Variants in DGKB observed in about 807,000 individuals in gnomAD.
DGKB encodes diacylglycerol kinase beta.
A neutral mutation model predicts 114.3 loss-of-function variants in DGKB; 67 were observed. That is an observed-to-expected ratio of 0.59 (90% CI 0.48 to 0.72). The LOEUF (loss-of-function observed/expected upper bound fraction) is 0.72, where lower values mean the gene tolerates loss of function less well. DGKB is among the 30% of genes least tolerant of loss of function. The probability of loss-of-function intolerance (pLI) is 0.00; values close to 1 mark genes in which losing one functional copy is unlikely to be tolerated. For synonymous variants in DGKB, 398 were observed against 323.1 expected (o/e 1.23, Z -2.49); for missense variants, 907 against 975.2 (o/e 0.93, Z 0.93).
At chr7:14,802,129 T>A (rs1212679498) in intron 2 of DGKB, among the ~76,000 whole-genome samples, 2 of 152,142 alleles carry the variant, frequency 1.3e-5, no homozygotes, top group African/African-American at 4.8e-5. Context: ...ATAGTCCTTT[T>A]AAATTAAGAG....
intron 23 of DGKB, among the ~76,000 whole-genome samples, chr7:14,313,114 C>T (rs143839381): frequency 6.6e-6 from 1 of 152,270 alleles, no homozygotes. Flanking sequence ...CTTTAAGAAA[C>T]TACTACTTGT....
chr7:14,325,412 C>T (rs1004240499), intron 23 of DGKB, among the ~76,000 whole-genome samples: 3 of 152,100 alleles, frequency 2.0e-5, no homozygotes, highest in Non-Finnish European at 2.9e-5. Context: ...CGATATTCCA[C>T]GATTCACCAT....
rs1787191036 is a variant in DGKB at position 14,208,460 on chromosome 7, A to T, written c.2123-30309T>A. Among the ~76,000 whole-genome samples, 3 of 152,020 alleles carry T rather than the reference A, an allele frequency of 2.0e-5. No individual in the cohort carries two copies. The South Asian group carries it at 6.2e-4, about 32-fold the overall frequency. On this transcript the variant is annotated intron_variant, in intron 23 of 25. Coordinates refer to ENST00000402815, the MANE Select transcript of DGKB (RefSeq NM_001350709.2). ...AGGCAGGAAGGATTAATGGGGGTTC[A>T]ACTTCTACTTCAAACAGTTTCCCTC...
intron 13 of DGKB, among the ~76,000 whole-genome samples, chr7:14,631,263 C>CAAA (rs35088925): frequency 1.3e-4 from 13 of 98,426 alleles, no homozygotes; most frequent in South Asian, 3.5e-4. Context: ...CAGCAAGAAC[C>CAAA]AAAAAAAAAA....
At chr7:14,304,083 ACACACT>A (rs1156343883) in intron 23 of DGKB, among the ~76,000 whole-genome samples, 2,290 of 39,140 alleles carry the variant, frequency 0.059, 67 homozygotes, top group African/African-American at 0.16. Context: ...ACACACACAC[ACACACT>A]CTCTCTCTCT....
intron 1 of DGKB, among the ~76,000 whole-genome samples, chr7:14,934,903 C>A (rs919438914): frequency 4.6e-5 from 7 of 151,992 alleles, no homozygotes; most frequent in East Asian, 3.9e-4. Flanking sequence ...GAAAGTAAAC[C>A]CACATAACTG....
chr7:14,631,894 C>T (rs1259483489), intron 13 of DGKB, among the ~76,000 whole-genome samples: 1 of 151,920 alleles, frequency 6.6e-6, no homozygotes, highest in East Asian at 1.9e-4. Flanking sequence ...CCTATGGATC[C>T]TTATCCCATT....
intron 17 of DGKB, among the ~76,000 whole-genome samples, chr7:14,605,873 C>T (rs77851645): frequency 0.065 from 9,878 of 152,128 alleles, 1,090 homozygotes; most frequent in African/African-American, 0.22. Flanking sequence ...GCTTCATAGG[C>T]ATTATCCCAT....
chr7:14,685,182 T>G (rs1821468792), intron 10 of DGKB, 63 bp downstream of exon 10: 1 of 1,053,892 alleles, frequency 9.5e-7, no homozygotes, highest in Non-Finnish European at 1.5e-6. Context: ...AATAAGACTA[T>G]TCCATGAAAT....
intron 21 of DGKB, among the ~76,000 whole-genome samples, chr7:14,365,964 A>G (rs1816607852): frequency 6.6e-6 from 1 of 152,048 alleles, no homozygotes; most frequent in Admixed American, 6.6e-5. Context: ...TAAACACATG[A>G]TATATATGTG....
At chr7:14,585,587 G>A (rs1800625810) in intron 17 of DGKB, among the ~76,000 whole-genome samples, 1 of 152,104 alleles carries the variant, frequency 6.6e-6, no homozygotes, top group South Asian at 2.1e-4. Context: ...CAACTGGTTT[G>A]CTTTACATTC....
intron 4 of DGKB, among the ~76,000 whole-genome samples, chr7:14,752,841 G>C (rs1208795910): frequency 6.6e-6 from 1 of 152,088 alleles, no homozygotes. Context: ...AGACATTCTT[G>C]AATGACTACA....
At chr7:14,403,326 C>T (rs1381960014) in intron 21 of DGKB, among the ~76,000 whole-genome samples, 1 of 151,888 alleles carries the variant, frequency 6.6e-6, no homozygotes, top group Non-Finnish European at 1.5e-5. Flanking sequence ...CCTCCTTCCT[C>T]TAGCTTATAC....
chr7:14,862,959 T>G (rs1038467526), intron 1 of DGKB, among the ~76,000 whole-genome samples: 1 of 152,078 alleles, frequency 6.6e-6, no homozygotes, highest in African/African-American at 2.4e-5. Flanking sequence ...TTATTTTAAA[T>G]GCCTTTCGAC....
intron 23 of DGKB, among the ~76,000 whole-genome samples, chr7:14,326,454 A>C (rs536206061): frequency 3.9e-5 from 6 of 152,254 alleles, no homozygotes; most frequent in African/African-American, 9.6e-5. Flanking sequence ...CGGTGCTACA[A>C]GGTCAACCAA....
At chr7:14,439,768 G>C (rs1026595758) in intron 21 of DGKB, among the ~76,000 whole-genome samples, 5 of 150,982 alleles carry the variant, frequency 3.3e-5, no homozygotes, top group African/African-American at 1.2e-4. Flanking sequence ...GGAAGCTGAG[G>C]CAGGAGAATT....
At chr7:14,518,967 G>A (rs1789298011) in intron 20 of DGKB, among the ~76,000 whole-genome samples, 1 of 151,818 alleles carries the variant, frequency 6.6e-6, no homozygotes, top group South Asian at 2.1e-4. Context: ...GCTGTTCCAG[G>A]GGCCATACTT....
At chr7:14,327,777 G>C (rs943438653) in intron 23 of DGKB, among the ~76,000 whole-genome samples, 3 of 151,978 alleles carry the variant, frequency 2.0e-5, no homozygotes, top group Non-Finnish European at 4.4e-5. Context: ...CAACAATACC[G>C]AGGACATTTG....
In DGKB at chr7:14,178,067, C is replaced by T; in HGVS notation, c.2207G>A (p.Gly736Asp). The change falls in exon 24 of 26, where the codon GGC (glycine) becomes GAC (aspartate). Residue 736 changes from glycine (G) to aspartate (D), a missense_variant. Physicochemically the swap from Gly to Asp is moderately conservative, Grantham distance 94. This residue lies in a region of DGKB where 35 missense variants were observed against 66.0 expected (regional missense o/e 0.53). Transcript: ENST00000402815. ...GQIYTGLKSAGRRLAQCSCVV... is the reference protein window; with the variant it reads ...GQIYTGLKSADRRLAQCSCVV... ...GCAGGAGCACTGAGCCAGCCGCCGGCCAGCACTTTTCAGGCCTGTGTATAT... is the reference window on the plus strand; with the variant it reads ...GCAGGAGCACTGAGCCAGCCGCCGGTCAGCACTTTTCAGGCCTGTGTATAT... 1 of 1,605,382 alleles carries T rather than the reference C, an allele frequency of 6.2e-7. No homozygotes were observed.
Sources: gnomAD v4.1 joint callset for allele counts (sites outside exome capture counted in the v4.1 genomes callset) on GRCh38, gnomAD v4.1.1 for gene constraint, gnomAD v4.1.1 regional missense constraint, MANE v1.5 for transcripts, NCBI Gene and HGNC (gene_info 2026-07-23, HGNC 2026-07-21) for gene names.